Variants in SPAG16 observed in about 807,000 individuals in gnomAD.
SPAG16 encodes sperm-associated antigen 16 protein.
A neutral mutation model predicts 80.4 loss-of-function variants in SPAG16; 86 were observed. That is an observed-to-expected ratio of 1.07 (90% CI 0.90 to 1.28). The LOEUF is 1.28. Among genes scored for constraint, SPAG16 ranks in the 50% most tolerant of loss-of-function variants. SPAG16 has a pLI of 0.00. For synonymous variants in SPAG16, 294 were observed against 265.9 expected (o/e 1.11, Z -1.03); for missense variants, 870 against 765.3 (o/e 1.14, Z -1.61).
At chr2:213,371,419 GA>G (rs2066630420) in intron 8 of SPAG16, among the ~76,000 whole-genome samples, 1 of 119,356 alleles carries the variant, frequency 8.4e-6, no homozygotes, top group Non-Finnish European at 1.7e-5. Context: ...AAAAAAAAAA[GA>G]AAAGAAAAGA....
At chr2:213,933,101 C>A (rs2078839062) in intron 12 of SPAG16, among the ~76,000 whole-genome samples, 2 of 152,168 alleles carry the variant, frequency 1.3e-5, no homozygotes, top group African/African-American at 2.4e-5. Context: ...CTCCCTGACC[C>A]ATCCACATTT....
Position 213,438,479 on chromosome 2 carries a change from C to T in SPAG16, c.943-51484C>T, listed in dbSNP as rs1575590311. Among the ~76,000 whole-genome samples the T allele has an allele frequency of 2.0e-5, 3 of 152,298 alleles. 1 individual carries two copies. The Middle Eastern group carries it at 0.01, about 518-fold the overall frequency. ...GAACATAGATATAGCCATTTATTTA[C>T]ATATTGCCTATGGCTGCTTTCACAC... On this transcript the variant is annotated intron_variant, in intron 9 of 15. Transcript: ENST00000331683.
intron 15 of SPAG16, among the ~76,000 whole-genome samples, chr2:214,256,804 A>C (rs1472468800): frequency 6.7e-6 from 1 of 150,106 alleles, no homozygotes; most frequent in African/African-American, 2.5e-5. Flanking sequence ...CCAGTACCAC[A>C]CTTTCCTTAA....
At chr2:214,233,363 A>ATGG (rs1258970886) in intron 15 of SPAG16, among the ~76,000 whole-genome samples, 1 of 151,864 alleles carries the variant, frequency 6.6e-6, no homozygotes, top group East Asian at 1.9e-4. Flanking sequence ...GATGATGATG[A>ATGG]TGATGATGAT....
chr2:214,026,288 T>C (rs966397271), intron 13 of SPAG16, among the ~76,000 whole-genome samples: 1 of 151,522 alleles, frequency 6.6e-6, no homozygotes, highest in African/African-American at 2.4e-5. Context: ...TGTATATTTT[T>C]ATTAGTTTAG....
intron 10 of SPAG16, among the ~76,000 whole-genome samples, chr2:213,553,442 A>G (rs1463860505): frequency 6.6e-6 from 1 of 152,172 alleles, no homozygotes; most frequent in African/African-American, 2.4e-5. Flanking sequence ...GGTTACCAGT[A>G]TCCTGGTCCA....
intron 10 of SPAG16, among the ~76,000 whole-genome samples, chr2:213,731,073 T>A (rs1392174341): frequency 6.6e-6 from 1 of 152,006 alleles, no homozygotes; most frequent in South Asian, 2.1e-4. Flanking sequence ...TTTCTAGTTT[T>A]CCACTAGAGT....
chr2:214,112,967 T>A (rs929178030), intron 14 of SPAG16, among the ~76,000 whole-genome samples: 3 of 152,216 alleles, frequency 2.0e-5, no homozygotes, highest in African/African-American at 7.2e-5. Flanking sequence ...TACTGGTTGT[T>A]CCTTTCTATG....
intron 13 of SPAG16, among the ~76,000 whole-genome samples, chr2:214,097,183 T>C (rs990479892): frequency 6.6e-6 from 1 of 152,060 alleles, no homozygotes; most frequent in African/African-American, 2.4e-5. Flanking sequence ...AGTAGGAGAA[T>C]TTTTTCTTGC....
intron 6 of SPAG16, among the ~76,000 whole-genome samples, chr2:213,344,626 G>A (rs1046774169): frequency 2.5e-4 from 38 of 151,922 alleles, no homozygotes; most frequent in Non-Finnish European, 2.5e-4. Flanking sequence ...GAGAACATGC[G>A]GTGTTTGGTT....
rs527587786 is a variant in SPAG16 at position 213,821,676 on chromosome 2, T to C, written c.1071-40809T>C. Among the ~76,000 whole-genome samples, 17 of 152,266 alleles carry C rather than the reference T, an allele frequency of 1.1e-4. No homozygotes were observed. In the South Asian group the frequency reaches 3.3e-3, roughly 30 times the overall value. ...TCTTTATAACTAATTTTTGTAACCA[T>C]TAAACATTAACCTCTTCCCCCACAA... On this transcript the variant is annotated intron_variant, in intron 10 of 15. Coordinates refer to ENST00000331683, the MANE Select transcript of SPAG16 (RefSeq NM_024532.5).
At chr2:214,370,502 A>G (rs1268947795) in intron 15 of SPAG16, among the ~76,000 whole-genome samples, 1 of 152,194 alleles carries the variant, frequency 6.6e-6, no homozygotes, top group Non-Finnish European at 1.5e-5. Context: ...TGATATACAT[A>G]CATATTGTTA....
intron 15 of SPAG16, among the ~76,000 whole-genome samples, chr2:214,222,241 T>G (rs1487029397): frequency 6.7e-6 from 1 of 150,306 alleles, no homozygotes; most frequent in Non-Finnish European, 1.5e-5. Flanking sequence ...CTCAGCCTCC[T>G]GAGTAGCTGG....
At chr2:213,918,311 C>A (rs747514460) in intron 11 of SPAG16, among the ~76,000 whole-genome samples, 2 of 152,052 alleles carry the variant, frequency 1.3e-5, no homozygotes, top group Non-Finnish European at 2.9e-5. Flanking sequence ...ATCTCTCCTC[C>A]TCAATTTTTT....
intron 15 of SPAG16, among the ~76,000 whole-genome samples, chr2:214,386,619 T>G (rs1700769646): frequency 6.6e-6 from 1 of 151,820 alleles, no homozygotes; most frequent in East Asian, 1.9e-4. Context: ...CCCAGTACTT[T>G]GGGAGGCTGC....
chr2:213,531,359 A>AGTGTGTGT (rs56011234), intron 10 of SPAG16, among the ~76,000 whole-genome samples: 4,600 of 142,036 alleles, frequency 0.032, 104 homozygotes, highest in Middle Eastern at 0.048. Context: ...AAAAGATGTG[A>AGTGTGTGT]GTGTGTGTGT....
intron 11 of SPAG16, among the ~76,000 whole-genome samples, chr2:213,902,023 GT>G (rs2077240429): frequency 6.6e-6 from 1 of 152,156 alleles, no homozygotes; most frequent in Non-Finnish European, 1.5e-5. Flanking sequence ...CTAGAGTCTC[GT>G]GAAAAACAGG....
chr2:213,831,202 G>A lies in SPAG16; in HGVS notation c.1071-31283G>A, dbSNP rs2125716852. Reference sequence around the variant, plus strand: ...TTACAAGCACTCACCACTGCATCCAGCTGATTTTTGTATTTTTAGTAGAGA... The same window carrying A: ...TTACAAGCACTCACCACTGCATCCAACTGATTTTTGTATTTTTAGTAGAGA... On this transcript the variant is annotated intron_variant, in intron 10 of 15. Transcript: ENST00000331683. 2.0e-5 allele frequency among the ~76,000 whole-genome samples: 3 copies of A among 151,754 alleles called. 1 individual carries two copies. The South Asian group carries it at 6.2e-4, about 32-fold the overall frequency.
Position 213,317,332 on chromosome 2 carries a change from T to G in SPAG16, c.512T>G (p.Leu171Trp), listed in dbSNP as rs2063439656. The G allele has an allele frequency of 1.2e-6, 2 of 1,610,584 alleles. No individual in the cohort carries two copies. The highest frequency in any genetic ancestry group is 1.1e-5 in the South Asian group (1 of 90,824). ...GAGAACAAAAATTTAAAGAAAGATT[T>G]GAAGCACTACAAACAAGCAGCTGAG... ...ENENKNLKKD[L>W]KHYKQAADKA... The change falls in exon 5 of 16, where the codon TTG becomes TGG. Residue 171 changes from leucine to tryptophan, a missense_variant. Leu to Trp is a moderately conservative substitution (Grantham distance 61). Coordinates refer to ENST00000331683, the MANE Select transcript of SPAG16 (RefSeq NM_024532.5).
Sources: gnomAD v4.1 joint callset for allele counts (sites outside exome capture counted in the v4.1 genomes callset) on GRCh38, gnomAD v4.1.1 for gene constraint, MANE v1.5 for transcripts, NCBI Gene and HGNC (gene_info 2026-07-23, HGNC 2026-07-21) for gene names.